The following AGBL4 variants were observed in gnomAD, a reference collection of about 807,000 sequenced individuals.
The protein encoded by AGBL4 is AGBL carboxypeptidase 4, also known as cytosolic carboxypeptidase 6.
AGBL4 carries 58 observed loss-of-function variants against 66.4 expected under a neutral mutation model. The ratio of observed to expected loss-of-function variants is 0.87; its 90% confidence interval spans 0.71 to 1.09. The LOEUF is 1.09. Among genes scored for constraint, AGBL4 ranks in the 50% least tolerant of loss-of-function variants. AGBL4 has a pLI of 0.00. For missense variants in AGBL4, 579 were observed against 631.0 expected, an observed-to-expected ratio of 0.92 and a Z score of 0.88; for synonymous variants, 234 against 222.9, an observed-to-expected ratio of 1.05 and a Z score of -0.44.
chr1:49,115,219 C>T (rs1645492900), intron 4 of AGBL4, among the ~76,000 whole-genome samples: 1 of 152,154 alleles, frequency 6.6e-6, no homozygotes, highest in East Asian at 1.9e-4. Flanking sequence ...TCTTGGAGAT[C>T]ATTCAGATAA....
intron 3 of AGBL4, among the ~76,000 whole-genome samples, chr1:49,662,605 C>T (rs943573400): frequency 2.0e-5 from 3 of 152,060 alleles, no homozygotes; most frequent in Non-Finnish European, 2.9e-5. Flanking sequence ...TATGCCTCAA[C>T]TTTTATTTGT....
intron 9 of AGBL4, among the ~76,000 whole-genome samples, chr1:48,604,115 G>A (rs954605635): frequency 7.3e-5 from 11 of 150,022 alleles, no homozygotes; most frequent in African/African-American, 7.4e-5. Flanking sequence ...CCTGGGCTAC[G>A]GAGCGAGACT....
chr1:49,581,692 T>C (rs1282012197), intron 3 of AGBL4, among the ~76,000 whole-genome samples: 3 of 152,308 alleles, frequency 2.0e-5, no homozygotes, highest in South Asian at 2.1e-4. Context: ...GATATTTGAA[T>C]GCCAGATGGA....
At chr1:49,817,514 C>A (rs1400705454) in intron 2 of AGBL4, among the ~76,000 whole-genome samples, 2 of 152,162 alleles carry the variant, frequency 1.3e-5, no homozygotes, top group Non-Finnish European at 2.9e-5. Context: ...ATTCGCAATA[C>A]TGTTATTTAT....
chr1:48,940,056 C>A (rs944473335), intron 5 of AGBL4, among the ~76,000 whole-genome samples: 2 of 152,172 alleles, frequency 1.3e-5, no homozygotes, highest in Non-Finnish European at 2.9e-5. Context: ...AGTCCCTTTA[C>A]AGTTTTCCAG....
chr1:49,260,811 G>A (rs1267127669), intron 3 of AGBL4, among the ~76,000 whole-genome samples: 1 of 152,022 alleles, frequency 6.6e-6, no homozygotes, highest in African/African-American at 2.4e-5. Flanking sequence ...CATTTGATGA[G>A]GCCAGCATCA....
At chr1:48,952,863 A>ATT (rs200833999) in intron 5 of AGBL4, among the ~76,000 whole-genome samples, 11,600 of 147,698 alleles carry the variant, frequency 0.079, 558 homozygotes, top group Non-Finnish European at 0.11. Context: ...TTTTTTTGTG[A>ATT]TTTTTTTTTT....
chr1:49,948,009 A>AATATATATTT (rs1378501060), intron 1 of AGBL4, among the ~76,000 whole-genome samples: 1 of 31,882 alleles, frequency 3.1e-5, no homozygotes, highest in African/African-American at 3.5e-4. Flanking sequence ...AATATATATA[A>AATATATATTT]ATATATAAAT....
At chr1:49,042,424 A>T (rs776364394) in intron 5 of AGBL4, among the ~76,000 whole-genome samples, 2 of 152,178 alleles carry the variant, frequency 1.3e-5, no homozygotes, top group Non-Finnish European at 2.9e-5. Context: ...ATTCTCCCAC[A>T]TAGTTAGAGG....
chr1:49,384,423 C>G (rs1439225773), intron 3 of AGBL4, among the ~76,000 whole-genome samples: 4 of 151,554 alleles, frequency 2.6e-5, no homozygotes, highest in African/African-American at 4.9e-5. Flanking sequence ...GAAACCCTGT[C>G]TCTACTAAAA....
Position 49,823,228 on chromosome 1 carries a change from G to T in AGBL4, c.157+28168C>A, listed in dbSNP as rs534730970. On this transcript the variant is annotated intron_variant, in intron 2 of 13. Transcript: ENST00000371839. ...GCCTATGTAAACCAATGCAGCTATG[G>T]TTACTTAAAGTTGGATTTTCTCTTA... Among the ~76,000 whole-genome samples the T allele has an allele frequency of 2.4e-4, 37 of 152,264 alleles. No individual in the cohort carries two copies. In the East Asian group the frequency reaches 3.1e-3, roughly 13 times the overall value.
chr1:48,752,809 G>C (rs1475165859), intron 6 of AGBL4, among the ~76,000 whole-genome samples: 1 of 152,036 alleles, frequency 6.6e-6, no homozygotes, highest in Non-Finnish European at 1.5e-5. Context: ...GAGTGCAGTG[G>C]CATGATCTTG....
intron 5 of AGBL4, among the ~76,000 whole-genome samples, chr1:48,929,465 G>T (rs1654859604): frequency 6.6e-6 from 1 of 152,052 alleles, no homozygotes; most frequent in African/African-American, 2.4e-5. Context: ...TTATAACTCA[G>T]CTCAAAATCA....
intron 5 of AGBL4, among the ~76,000 whole-genome samples, chr1:48,890,355 A>G (rs977111007): frequency 6.6e-6 from 1 of 152,214 alleles, no homozygotes; most frequent in African/African-American, 2.4e-5. Context: ...CACATGTGTA[A>G]AAATTCCTAC....
At chr1:48,789,383 G>A (rs1645487246) in intron 6 of AGBL4, among the ~76,000 whole-genome samples, 1 of 151,850 alleles carries the variant, frequency 6.6e-6, no homozygotes, top group Admixed American at 6.6e-5. Context: ...CCGCCTCCTG[G>A]GTTCATGCCA....
At chr1:49,841,298 C>T (rs1178308906) in intron 2 of AGBL4, among the ~76,000 whole-genome samples, 1 of 152,050 alleles carries the variant, frequency 6.6e-6, no homozygotes, top group Non-Finnish European at 1.5e-5. Flanking sequence ...GCTTAAACAA[C>T]TGGTTAACTG....
intron 6 of AGBL4, among the ~76,000 whole-genome samples, chr1:48,733,574 A>C (rs954045425): frequency 6.6e-6 from 1 of 152,228 alleles, no homozygotes; most frequent in African/African-American, 2.4e-5. Context: ...TTGGCAGATG[A>C]TGCTGAGTTC....
At chr1:49,955,767 G>GC (rs1279248578) in intron 1 of AGBL4, among the ~76,000 whole-genome samples, 3 of 151,740 alleles carry the variant, frequency 2.0e-5, no homozygotes, top group Non-Finnish European at 4.4e-5. Flanking sequence ...TTATACCTCT[G>GC]CCCCCAATGA....
intron 4 of AGBL4, among the ~76,000 whole-genome samples, chr1:49,059,605 G>A (rs865940520): frequency 2.6e-5 from 4 of 152,304 alleles, no homozygotes; most frequent in Middle Eastern, 6.8e-3. Context: ...TACATCCACT[G>A]ACAGCTTGCA....
Sources: gnomAD v4.1 joint callset for allele counts (sites outside exome capture counted in the v4.1 genomes callset) on GRCh38, gnomAD v4.1.1 for gene constraint, MANE v1.5 for transcripts, NCBI Gene and HGNC (gene_info 2026-07-23, HGNC 2026-07-21) for gene names.